ELMO1: variants seen among roughly 807,000 people sequenced by gnomAD.
The protein encoded by ELMO1 is engulfment and cell motility protein 1.
Under a neutral mutation model 98.9 loss-of-function variants are expected in ELMO1, and 26 were observed. The observed-to-expected ratio is 0.26, with a 90% CI of 0.19 to 0.36. ELMO1 has a LOEUF of 0.36. Ranked by LOEUF, ELMO1 falls within the 10% of genes least tolerant of loss-of-function variation. ELMO1 has a pLI of 1.00. For missense variants in ELMO1, 627 were observed against 935.2 expected (o/e 0.67, Z 4.30); for synonymous variants, 346 against 346.0 (o/e 1.00, Z 0.00).
rs2129040138 is a variant in ELMO1, at chr7:36,870,361, T to C, written c.1905+32A>G. 6.2e-7 allele frequency: 1 copy of C among 1,610,434 alleles called. No homozygotes were observed. Among genetic ancestry groups the C allele is most frequent in the Non-Finnish European group, 8.5e-7 (1 of 1,176,862 alleles). ...GCAGTTGCCGACCGCACTGGGCAAATAGAGCTATTTGCAATAATTTGGAAA... is the reference window on the plus strand; with the variant it reads ...GCAGTTGCCGACCGCACTGGGCAAACAGAGCTATTTGCAATAATTTGGAAA... On this transcript the variant is annotated intron_variant, in intron 20 of 21. Transcript: ENST00000310758. This position sits in a 1 kb window ranked among gnomAD's most constrained non-coding sequence, Gnocchi z 4.4.
chr7:37,141,479 G>A (rs1345924641), intron 13 of ELMO1, among the ~76,000 whole-genome samples: 1 of 152,000 alleles, frequency 6.6e-6, no homozygotes, highest in Non-Finnish European at 1.5e-5. Flanking sequence ...ACTTATTCAT[G>A]TAACCAAACA....
chr7:37,101,920 A>G (rs949196042), intron 14 of ELMO1, among the ~76,000 whole-genome samples: 6 of 152,206 alleles, frequency 3.9e-5, no homozygotes, highest in African/African-American at 1.4e-4. Flanking sequence ...AAAGCGTTCC[A>G]GCCACCATAG....
At chr7:37,421,370 C>T (rs1401831597) in intron 1 of ELMO1, among the ~76,000 whole-genome samples, 1 of 152,206 alleles carries the variant, frequency 6.6e-6, no homozygotes, top group African/African-American at 2.4e-5. Flanking sequence ...CAGTGCTCAC[C>T]CATTTTGCAA....
At chr7:36,986,980 C>T (rs1224180969) in intron 16 of ELMO1, among the ~76,000 whole-genome samples, 2 of 152,122 alleles carry the variant, frequency 1.3e-5, no homozygotes, top group Non-Finnish European at 2.9e-5. Context: ...GCCTAACAGC[C>T]CTGAGAGCTC....
intron 15 of ELMO1, among the ~76,000 whole-genome samples, chr7:37,060,363 T>C (rs1348530906): frequency 6.6e-6 from 1 of 152,124 alleles, no homozygotes; most frequent in Non-Finnish European, 1.5e-5. Context: ...TGCAGCAACA[T>C]GGATGCAGCT....
chr7:37,037,296 C>A (rs13242167), intron 15 of ELMO1, among the ~76,000 whole-genome samples: 7 of 152,220 alleles, frequency 4.6e-5, no homozygotes, highest in Middle Eastern at 6.8e-3. Context: ...AAGAGCCACA[C>A]GTTGTTCTGT....
intron 1 of ELMO1, among the ~76,000 whole-genome samples, chr7:37,352,709 G>T (rs530604514): frequency 6.6e-6 from 1 of 152,138 alleles, no homozygotes; most frequent in Non-Finnish European, 1.5e-5. Flanking sequence ...CTATGGGCTT[G>T]TCTCCAGGAA....
chr7:37,186,496 C>T (rs940714539), intron 13 of ELMO1, among the ~76,000 whole-genome samples: 1 of 152,078 alleles, frequency 6.6e-6, no homozygotes, highest in Non-Finnish European at 1.5e-5. Context: ...AACTTTCACG[C>T]TTCAAAAGAC....
chr7:36,859,361 G>A (rs751318379), intron 21 of ELMO1, among the ~76,000 whole-genome samples: 3 of 152,178 alleles, frequency 2.0e-5, no homozygotes, highest in Non-Finnish European at 4.4e-5. Flanking sequence ...AATGCATACA[G>A]GAACATTTAT....
intron 15 of ELMO1, among the ~76,000 whole-genome samples, chr7:37,074,284 C>G (rs975295659): frequency 2.6e-5 from 4 of 151,274 alleles, no homozygotes; most frequent in Non-Finnish European, 5.9e-5. Context: ...TGTCACTTGT[C>G]TAAACAGTGG....
intron 13 of ELMO1, among the ~76,000 whole-genome samples, chr7:37,170,108 T>C (rs1349994360): frequency 6.6e-6 from 1 of 152,210 alleles, no homozygotes; most frequent in Non-Finnish European, 1.5e-5. Context: ...TTTCACCATG[T>C]TGGCCAGGCT....
At chr7:36,950,175 G>C (rs1050265297) in intron 16 of ELMO1, among the ~76,000 whole-genome samples, 1 of 152,098 alleles carries the variant, frequency 6.6e-6, no homozygotes, top group Admixed American at 6.5e-5. Context: ...CATCAACAAG[G>C]TGCCCGGGAC....
intron 6 of ELMO1, among the ~76,000 whole-genome samples, chr7:37,246,073 G>C (rs1317639477): frequency 3.3e-5 from 5 of 152,110 alleles, no homozygotes; most frequent in Non-Finnish European, 7.3e-5. Context: ...CCAACTTAAA[G>C]AACCAACATG....
At chr7:37,135,969 T>G (rs1787238780) in intron 13 of ELMO1, among the ~76,000 whole-genome samples, 1 of 151,818 alleles carries the variant, frequency 6.6e-6, no homozygotes, top group African/African-American at 2.4e-5. Context: ...TTTAAAGAAA[T>G]AAAAAACAGG....
intron 18 of ELMO1, among the ~76,000 whole-genome samples, chr7:36,886,425 G>A (rs1287529948): frequency 1.3e-5 from 2 of 152,198 alleles, no homozygotes; most frequent in African/African-American, 2.4e-5. Context: ...ATGGCCGGGG[G>A]ATGAGTTCAG....
intron 15 of ELMO1, among the ~76,000 whole-genome samples, chr7:37,072,256 G>C (rs1379026895): frequency 6.6e-6 from 1 of 152,086 alleles, no homozygotes; most frequent in African/African-American, 2.4e-5. Flanking sequence ...CACAATTCCC[G>C]CGTGTTGTAG....
At chr7:36,892,374 G>A (rs1294955353) in intron 17 of ELMO1, among the ~76,000 whole-genome samples, 1 of 152,126 alleles carries the variant, frequency 6.6e-6, no homozygotes, top group Non-Finnish European at 1.5e-5. Context: ...TCAAGCTTGG[G>A]TTAGATCCAA....
chr7:37,053,021 T>G (rs990369088), intron 15 of ELMO1, among the ~76,000 whole-genome samples: 4 of 152,232 alleles, frequency 2.6e-5, no homozygotes, highest in African/African-American at 9.6e-5. Flanking sequence ...TCCAGTTCTC[T>G]GCTTTTATAT....
intron 1 of ELMO1, among the ~76,000 whole-genome samples, chr7:37,393,606 C>T (rs1803171490): frequency 6.6e-6 from 1 of 152,160 alleles, no homozygotes; most frequent in Non-Finnish European, 1.5e-5. Context: ...TTTTGTTCCT[C>T]AATTTGGGTT....
Sources: gnomAD v4.1 joint callset for allele counts (sites outside exome capture counted in the v4.1 genomes callset) on GRCh38, gnomAD v4.1.1 for gene constraint, Gnocchi (gnomAD v3.1) non-coding constraint, MANE v1.5 for transcripts, NCBI Gene and HGNC (gene_info 2026-07-23, HGNC 2026-07-21) for gene names.